PTPRD: variants seen among roughly 807,000 people sequenced by gnomAD.
The protein encoded by PTPRD is protein tyrosine phosphatase receptor type D.
In PTPRD, 34 loss-of-function variants were observed where a neutral mutation model predicts 214.5. The ratio of observed to expected loss-of-function variants is 0.16; its 90% CI spans 0.12 to 0.21. The LOEUF (loss-of-function observed/expected upper bound fraction) is 0.21, where lower values mean the gene tolerates loss of function less well. Among genes scored for constraint, PTPRD ranks in the 10% least tolerant of loss-of-function variants. PTPRD has a pLI of 1.00. For missense variants in PTPRD, 2,545 were observed against 2,398.7 expected (o/e 1.06, Z -1.27); for synonymous variants, 1,128 against 845.7 (o/e 1.33, Z -5.79).
intron 3 of PTPRD, among the ~76,000 whole-genome samples, chr9:10,069,760 G>T (rs2097959739): frequency 6.6e-6 from 1 of 151,936 alleles, no homozygotes. Flanking sequence ...TGAATCAGAA[G>T]TCATACACTT....
intron 3 of PTPRD, among the ~76,000 whole-genome samples, chr9:10,300,163 A>G (rs1036755647): frequency 1.3e-5 from 2 of 152,208 alleles, no homozygotes; most frequent in African/African-American, 4.8e-5. Context: ...CAACAACAAC[A>G]AAAAAGTAAA....
At chr9:8,602,033 C>G (rs1423837309) in intron 14 of PTPRD, among the ~76,000 whole-genome samples, 1 of 151,978 alleles carries the variant, frequency 6.6e-6, no homozygotes, top group Non-Finnish European at 1.5e-5. Context: ...ATCTCCATCT[C>G]TACACTCAGT....
intron 7 of PTPRD, among the ~76,000 whole-genome samples, chr9:9,730,274 A>T (rs2098165933): frequency 6.6e-6 from 1 of 152,126 alleles, no homozygotes; most frequent in Non-Finnish European, 1.5e-5. Flanking sequence ...AATACTGTTA[A>T]AAAAAATTCA....
At chr9:8,517,285 A>G (rs2138390511) in intron 21 of PTPRD, among the ~76,000 whole-genome samples, 1 of 152,256 alleles carries the variant, frequency 6.6e-6, no homozygotes, top group South Asian at 2.1e-4. Context: ...AAGTTAATCA[A>G]TCAGGCCCAA....
At chr9:8,520,579 C>G (rs943378880) in intron 20 of PTPRD, among the ~76,000 whole-genome samples, 4 of 152,106 alleles carry the variant, frequency 2.6e-5, no homozygotes, top group African/African-American at 9.7e-5. Flanking sequence ...AATTTGCAAA[C>G]ACTTTCTAGA....
At chr9:8,701,935 C>A (rs1296788428) in intron 12 of PTPRD, among the ~76,000 whole-genome samples, 1 of 152,094 alleles carries the variant, frequency 6.6e-6, no homozygotes. Context: ...CTTTTTTGAA[C>A]AACAGAATGA....
chr9:9,626,522 A>G (rs1334796632), intron 7 of PTPRD, among the ~76,000 whole-genome samples: 3 of 152,150 alleles, frequency 2.0e-5, no homozygotes, highest in African/African-American at 7.2e-5. Context: ...TTTTAGTTGA[A>G]TGATTTGATT....
At position 9,182,553 on chromosome 9, in the gene PTPRD, T is replaced by C. The variant is rs138575129; in HGVS notation, c.-143+751A>G. 6.9e-3 allele frequency among the ~76,000 whole-genome samples: 1,049 copies of C among 152,088 alleles called. 12 individuals carry two copies. The highest frequency in any genetic ancestry group is 0.024 in the African/African-American group (1,004 of 41,528). On this transcript the variant is annotated intron_variant, in intron 10 of 45. Coordinates refer to ENST00000381196, the MANE Select transcript of PTPRD (RefSeq NM_002839.4). ...GATCAAATATCTCAGAGAAAGAATA[T>C]GGGAATTGTTTATTTCAAAGAATTA...
chr9:9,163,174 A>G, intron 10 of PTPRD, among the ~76,000 whole-genome samples: 1 of 152,024 alleles, frequency 6.6e-6, no homozygotes, highest in East Asian at 1.9e-4. Flanking sequence ...TCCACTCCCA[A>G]AGCTTCAAAA....
At chr9:8,496,340 T>C (rs1424971401) in intron 26 of PTPRD, among the ~76,000 whole-genome samples, 2 of 152,198 alleles carry the variant, frequency 1.3e-5, no homozygotes, top group Non-Finnish European at 2.9e-5. Flanking sequence ...TTATTGACAC[T>C]GTCCACTAAT....
chr9:8,399,096 CTT>C (rs371669292), intron 36 of PTPRD, among the ~76,000 whole-genome samples: 15,544 of 137,512 alleles, frequency 0.11, 1,743 homozygotes, highest in East Asian at 0.51. Flanking sequence ...GCCCACTAAG[CTT>C]TTTTTTTTTT....
chr9:10,117,612 G>GTTTTTTTTTTTTTTTTTTTTTTTT (rs35593505), intron 3 of PTPRD, among the ~76,000 whole-genome samples: 2 of 144,666 alleles, frequency 1.4e-5, no homozygotes, highest in Non-Finnish European at 1.5e-5. Flanking sequence ...AAATCTCCCC[G>GTTTTTTTTTTTTTTTTTTTTTTTT]TTTTTTTTTT....
chr9:9,645,479 A>ATATATATT (rs1554767210), intron 7 of PTPRD, among the ~76,000 whole-genome samples: 1 of 141,870 alleles, frequency 7.0e-6, no homozygotes, highest in African/African-American at 2.5e-5. Flanking sequence ...ATATATATAT[A>ATATATATT]TTTTCTATTT....
chr9:8,323,594 CA>C (rs1393101365), intron 44 of PTPRD, among the ~76,000 whole-genome samples: 1 of 145,324 alleles, frequency 6.9e-6, no homozygotes, highest in Admixed American at 7.0e-5. Flanking sequence ...GAAGAAATTG[CA>C]AAAATGGTGG....
chr9:9,007,482 T>A (rs1455602248), intron 11 of PTPRD, among the ~76,000 whole-genome samples: 1 of 151,944 alleles, frequency 6.6e-6, no homozygotes, highest in Non-Finnish European at 1.5e-5. Flanking sequence ...TATTTTTTTT[T>A]ATGTGCTTGA....
Position 9,110,402 on chromosome 9 carries a change from T to A in PTPRD, c.-143+72902A>T, listed in dbSNP as rs373045470. The stretch of plus-strand genomic sequence containing the variant: ...GGTGTGAGGCCCAGGAATCTGTGTT[T>A]TCAACAAGTCCTCTTGGTGACTCTG... On this transcript the variant is annotated intron_variant, in intron 10 of 45. Coordinates refer to ENST00000381196, the MANE Select transcript of PTPRD (RefSeq NM_002839.4). Among the ~76,000 whole-genome samples the A allele has an allele frequency of 1.8e-4, 27 of 152,248 alleles. No homozygotes were observed. The South Asian group carries it at 3.9e-3, about 22-fold the overall frequency.
At chr9:10,050,372 A>T (rs1261466720) in intron 3 of PTPRD, among the ~76,000 whole-genome samples, 2 of 151,752 alleles carry the variant, frequency 1.3e-5, no homozygotes, top group Non-Finnish European at 2.9e-5. Context: ...AGCCTGGCCA[A>T]TATGGTGAAA....
chr9:9,718,859 G>A (rs189611922), intron 7 of PTPRD, among the ~76,000 whole-genome samples: 41 of 152,308 alleles, frequency 2.7e-4, no homozygotes, highest in African/African-American at 9.6e-4. Context: ...CACGTGCCTG[G>A]TGTTGACCCT....
chr9:9,746,794 T>C (rs1216136631), intron 6 of PTPRD, among the ~76,000 whole-genome samples: 3 of 150,014 alleles, frequency 2.0e-5, no homozygotes, highest in South Asian at 4.2e-4. Flanking sequence ...GGTGTGAAGA[T>C]AGACAAGATG....
Sources: allele counts gnomAD v4.1 joint callset (sites outside exome capture counted in the v4.1 genomes callset), GRCh38; gene constraint gnomAD v4.1.1; transcripts MANE v1.5; gene names NCBI Gene and HGNC (gene_info 2026-07-23, HGNC 2026-07-21).